PCDH15: variants seen among roughly 807,000 people sequenced by gnomAD.
PCDH15 encodes protocadherin-15.
Under a neutral mutation model 178.5 loss-of-function variants are expected in PCDH15, and 129 were observed. That is an observed-to-expected ratio of 0.72 (90% CI 0.63 to 0.84). PCDH15 has a LOEUF of 0.84. Among genes scored for constraint, PCDH15 ranks in the 40% least tolerant of loss-of-function variants. The probability of loss-of-function intolerance (pLI) is 0.00; values close to 1 mark genes in which losing one functional copy is unlikely to be tolerated. For missense variants in PCDH15, 2,230 were observed against 2,099.9 expected, an observed-to-expected ratio of 1.06 and a Z score of -1.21; for synonymous variants, 800 against 732.0, an observed-to-expected ratio of 1.09 and a Z score of -1.50.
At chr10:55,614,320 T>A (rs1367002606) in intron 2 of PCDH15, among the ~76,000 whole-genome samples, 3 of 152,168 alleles carry the variant, frequency 2.0e-5, no homozygotes, top group Non-Finnish European at 4.4e-5. Flanking sequence ...AAAGTGCTGC[T>A]TTTTTAGAGA....
intron 3 of PCDH15, among the ~76,000 whole-genome samples, chr10:54,440,908 G>A (rs2075754829): frequency 6.6e-6 from 1 of 151,802 alleles, no homozygotes; most frequent in South Asian, 2.1e-4. Context: ...TTCTCCATGT[G>A]GCCTTAGGTA....
Position 55,589,952 on chromosome 10 carries a change from C to A in PCDH15, c.-156+37673G>T, listed in dbSNP as rs1842807434. 2.7e-5 allele frequency among the ~76,000 whole-genome samples: 4 copies of A among 146,052 alleles called. No individual in the cohort carries two copies. The East Asian group carries it at 8.4e-4, about 31-fold the overall frequency. On this transcript the variant is annotated intron_variant, in intron 2 of 5. Transcript: ENST00000613346. ...TAGAAATACCATTTGACCCAGCCAT[C>A]CCATTACGGGGTATATACCCAAAGG...
chr10:54,842,238 C>A (rs1287106221), intron 3 of PCDH15, among the ~76,000 whole-genome samples: 2 of 150,920 alleles, frequency 1.3e-5, no homozygotes, highest in East Asian at 1.9e-4. Flanking sequence ...ATAAATGAGA[C>A]AGATTTAATT....
chr10:53,917,898 T>C (rs1226643748), intron 25 of PCDH15, among the ~76,000 whole-genome samples: 1 of 151,938 alleles, frequency 6.6e-6, no homozygotes, highest in African/African-American at 2.4e-5. Flanking sequence ...TATTGAAAAG[T>C]GTGTGGCACC....
intron 2 of PCDH15, among the ~76,000 whole-genome samples, chr10:55,386,513 T>C (rs558448597): frequency 6.6e-6 from 1 of 152,154 alleles, no homozygotes; most frequent in African/African-American, 2.4e-5. Context: ...AAAGGATGCA[T>C]TGTCTTCAAA....
chr10:54,175,434 G>C (rs1007380042), intron 13 of PCDH15, among the ~76,000 whole-genome samples: 7 of 152,124 alleles, frequency 4.6e-5, no homozygotes, highest in African/African-American at 1.4e-4. Flanking sequence ...ATACAGATAA[G>C]GTAGCAACAA....
chr10:53,810,723 A>T, intron 36 of PCDH15, 59 bp from the exon 37 acceptor site: 1 of 1,418,488 alleles, frequency 7.0e-7, no homozygotes, highest in Admixed American at 1.7e-5. Flanking sequence ...AGAATCTACC[A>T]TGAGTGATCT....
chr10:54,634,402 C>A (rs148736654), intron 2 of PCDH15, among the ~76,000 whole-genome samples: 2 of 152,116 alleles, frequency 1.3e-5, no homozygotes, highest in Middle Eastern at 3.4e-3. Flanking sequence ...GCAGCAGTTA[C>A]AATTTGTTGT....
intron 15 of PCDH15, among the ~76,000 whole-genome samples, chr10:54,096,362 A>G (rs926172534): frequency 6.6e-6 from 1 of 152,142 alleles, no homozygotes; most frequent in Middle Eastern, 3.4e-3. Context: ...TTCTTATACC[A>G]TAAGCATTAT....
chr10:54,737,356 C>T (rs887523695), intron 1 of PCDH15, among the ~76,000 whole-genome samples: 1 of 151,976 alleles, frequency 6.6e-6, no homozygotes, highest in Admixed American at 6.6e-5. Flanking sequence ...CACTATACTA[C>T]AAAATGGTGT....
chr10:55,066,923 T>C (rs955125986), intron 2 of PCDH15, among the ~76,000 whole-genome samples: 1 of 151,894 alleles, frequency 6.6e-6, no homozygotes, highest in African/African-American at 2.4e-5. Context: ...GAAATTATAC[T>C]AATACACAAA....
chr10:54,099,513 A>AAAAAAAAATATAT lies in PCDH15; in HGVS notation c.1918-9451_1918-9450insATATATTTTTTTT, dbSNP rs1347306483. ...GACTCCATCTCAAAAAAAAAAAAAA[A>AAAAAAAAATATAT]ATATATATATATATATATAAAACAA... On this transcript the variant is annotated intron_variant, in intron 15 of 37. Coordinates refer to ENST00000644397, the MANE Select transcript of PCDH15 (RefSeq NM_001384140.1). Among the ~76,000 whole-genome samples the AAAAAAAAATATAT allele has an allele frequency of 4.7e-4, 55 of 117,876 alleles. 1 individual carries two copies. The South Asian group carries it at 0.01, about 22-fold the overall frequency. 77.3% of individuals were successfully genotyped at this position (117,876 alleles called of 152,430 possible). A position where few individuals can be genotyped will look rare whatever the true frequency, so the allele number is the denominator to read the frequency against.
intron 1 of PCDH15, among the ~76,000 whole-genome samples, chr10:55,272,614 C>G (rs1001176644): frequency 2.6e-5 from 4 of 151,872 alleles, no homozygotes; most frequent in African/African-American, 9.7e-5. Flanking sequence ...AACTCCTGAT[C>G]TCAAGTAATC....
chr10:53,849,337 A>G (rs995233137), intron 28 of PCDH15, among the ~76,000 whole-genome samples: 1 of 151,996 alleles, frequency 6.6e-6, no homozygotes, highest in African/African-American at 2.4e-5. Flanking sequence ...TTTATTTTGT[A>G]TATGTATATA....
intron 5 of PCDH15, among the ~76,000 whole-genome samples, chr10:54,355,150 C>A (rs1043112433): frequency 1.6e-4 from 20 of 123,176 alleles, no homozygotes; most frequent in African/African-American, 3.8e-4. Flanking sequence ...AAAAAAATGG[C>A]TAAAACCTGC....
At chr10:55,343,642 G>A (rs1844664610) in intron 2 of PCDH15, among the ~76,000 whole-genome samples, 1 of 151,166 alleles carries the variant, frequency 6.6e-6, no homozygotes, top group Non-Finnish European at 1.5e-5. Flanking sequence ...AAAATCACAT[G>A]CCTAAGGTCT....
At chr10:54,761,837 A>G (rs572644955) in intron 1 of PCDH15, among the ~76,000 whole-genome samples, 1 of 152,290 alleles carries the variant, frequency 6.6e-6, no homozygotes, top group South Asian at 2.1e-4. Context: ...ATCAAAGTGC[A>G]AGCTTTGCAG....
intron 2 of PCDH15, among the ~76,000 whole-genome samples, chr10:55,615,136 A>G (rs1843448206): frequency 6.6e-6 from 1 of 152,182 alleles, no homozygotes; most frequent in Non-Finnish European, 1.5e-5. Context: ...AAAAATACAA[A>G]TCATAACATG....
At position 54,599,226 on chromosome 10, in the gene PCDH15, C is replaced by T. The variant is rs116152180; in HGVS notation, c.91+64946G>A. ...GAATCTTAAGCACAAAGAACAAAGC[C>T]GGAGGCATCATGCTACCTGACTTCA... On this transcript the variant is annotated intron_variant, in intron 2 of 37. Transcript: ENST00000644397. Among the ~76,000 whole-genome samples, 508 of 152,004 alleles carry T rather than the reference C, an allele frequency of 3.3e-3. 9 individuals carry two copies. The highest frequency in any genetic ancestry group is 0.012 in the African/African-American group (494 of 41,492).
Sources: allele counts gnomAD v4.1 joint callset (sites outside exome capture counted in the v4.1 genomes callset), GRCh38; gene constraint gnomAD v4.1.1; transcripts MANE v1.5; gene names NCBI Gene and HGNC (gene_info 2026-07-23, HGNC 2026-07-21).